Variants in GRM5 observed in about 807,000 individuals in gnomAD.
GRM5 encodes glutamate metabotropic receptor 5, also known as metabotropic glutamate receptor 5.
A neutral mutation model predicts 83.1 loss-of-function variants in GRM5; 19 were observed. That is an observed-to-expected ratio of 0.23 (90% CI 0.16 to 0.34). The LOEUF (loss-of-function observed/expected upper bound fraction) is 0.34, where lower values mean the gene tolerates loss of function less well. Ranked by LOEUF, GRM5 falls within the 10% of genes least tolerant of loss-of-function variation. The pLI is 1.00. For missense variants in GRM5, 1,160 were observed against 1,588.3 expected, an observed-to-expected ratio of 0.73 and a Z score of 4.58; for synonymous variants, 675 against 633.6, an observed-to-expected ratio of 1.07 and a Z score of -0.98.
chr11:89,031,107 A>AAAATTAT, intron 2 of GRM5, among the ~76,000 whole-genome samples: 1 of 152,142 alleles, frequency 6.6e-6, no homozygotes, highest in East Asian at 1.9e-4. Context: ...TTAAAACTTC[A>AAAATTAT]AAATTATATT....
chr11:88,945,454 G>A (rs753898010), intron 2 of GRM5, among the ~76,000 whole-genome samples: 2 of 151,888 alleles, frequency 1.3e-5, no homozygotes, highest in Non-Finnish European at 2.9e-5. Context: ...TAACCAAAAA[G>A]AACAAAGCCA....
At chr11:88,667,195 TATCCA>T (rs1386340231) in intron 3 of GRM5, among the ~76,000 whole-genome samples, 2 of 152,036 alleles carry the variant, frequency 1.3e-5, no homozygotes, top group African/African-American at 2.4e-5. Flanking sequence ...GAATAGAATA[TATCCA>T]GACTGAAACA....
At chr11:88,919,638 T>G (rs1395857072) in intron 2 of GRM5, among the ~76,000 whole-genome samples, 1 of 151,972 alleles carries the variant, frequency 6.6e-6, no homozygotes, top group East Asian at 1.9e-4. Context: ...AAGGATAGAC[T>G]ATATGTTAGG....
At chr11:88,941,200 C>T (rs1413469445) in intron 2 of GRM5, among the ~76,000 whole-genome samples, 1 of 151,204 alleles carries the variant, frequency 6.6e-6, no homozygotes, top group Admixed American at 6.6e-5. Flanking sequence ...CCTTAATGTG[C>T]CAGAAAATAA....
At chr11:89,011,208 T>C (rs1168758989) in intron 2 of GRM5, among the ~76,000 whole-genome samples, 1 of 152,228 alleles carries the variant, frequency 6.6e-6, no homozygotes, top group Non-Finnish European at 1.5e-5. Context: ...TTCTTTTTTT[T>C]CTTTTAAAAC....
At chr11:88,997,618 C>T (rs1222587885) in intron 2 of GRM5, among the ~76,000 whole-genome samples, 1 of 151,776 alleles carries the variant, frequency 6.6e-6, no homozygotes, top group Non-Finnish European at 1.5e-5. Context: ...AAATGTGCAA[C>T]ATCAATACAG....
chr11:88,916,598 T>G lies in GRM5; in HGVS notation c.662-66443A>C, dbSNP rs149570019. Among the ~76,000 whole-genome samples, 607 of 152,166 alleles carry G rather than the reference T, an allele frequency of 4.0e-3. 2 individuals are homozygous for G. The highest frequency in any genetic ancestry group is 0.014 in the African/African-American group (573 of 41,512). Reference sequence around the variant, plus strand: ...GAAAGGCTGCCTAGACCACAAGGACTGTAATTCCTGGGCAGTCTTGGTGCT... The same window carrying G: ...GAAAGGCTGCCTAGACCACAAGGACGGTAATTCCTGGGCAGTCTTGGTGCT... On this transcript the variant is annotated intron_variant, in intron 2 of 9. Coordinates refer to ENST00000305447, the MANE Select transcript of GRM5 (RefSeq NM_001143831.3).
chr11:88,875,254 A>T (rs1049093042), intron 2 of GRM5, among the ~76,000 whole-genome samples: 2 of 152,018 alleles, frequency 1.3e-5, no homozygotes, highest in African/African-American at 4.8e-5. Context: ...CAAGGCTCAC[A>T]GCATCTTTGC....
At chr11:88,509,763 G>C (rs1287155504) in intron 9 of GRM5, among the ~76,000 whole-genome samples, 1 of 152,208 alleles carries the variant, frequency 6.6e-6, no homozygotes, top group Non-Finnish European at 1.5e-5. Context: ...GGGGATGCTT[G>C]TCAGGATGAA....
intron 3 of GRM5, among the ~76,000 whole-genome samples, chr11:88,778,484 G>A (rs1045961329): frequency 2.6e-4 from 40 of 152,196 alleles, no homozygotes; most frequent in Admixed American, 7.2e-4. Context: ...GTCCCAGTGA[G>A]ATCAACCAGG....
chr11:88,712,112 C>T (rs372851933), intron 3 of GRM5, among the ~76,000 whole-genome samples: 1 of 151,918 alleles, frequency 6.6e-6, no homozygotes, highest in African/African-American at 2.4e-5. Context: ...CCTTGCAAGT[C>T]GAAAATCCTT....
In GRM5 at chr11:88,653,325, T is replaced by C; in HGVS notation, c.990A>G (p.Gln330=). ...EAVGGITIKL[Q]SPDVKWFDDY... ...CATCAAACCACTTGACATCGGGAGA[T>C]TGGAGCTTGATTGTGATGCCACCAA... is the stretch of plus-strand genomic sequence containing the variant. Residue 330 remains glutamine, a synonymous_variant, in exon 4 of 10, where the codon CAA becomes CAG. Transcript: ENST00000305447. 1 of 1,613,080 alleles carries C rather than the reference T, an allele frequency of 6.2e-7. No homozygotes were observed. Among genetic ancestry groups the C allele is most frequent in the South Asian group, 1.1e-5 (1 of 91,060 alleles).
At chr11:88,989,932 T>G (rs1467610265) in intron 2 of GRM5, among the ~76,000 whole-genome samples, 2 of 151,408 alleles carry the variant, frequency 1.3e-5, no homozygotes, top group African/African-American at 2.4e-5. Context: ...ATTGACACCC[T>G]AACATCACAA....
At chr11:88,563,983 G>A (rs576211153) in intron 8 of GRM5, among the ~76,000 whole-genome samples, 2 of 152,246 alleles carry the variant, frequency 1.3e-5, no homozygotes, top group East Asian at 3.9e-4. Context: ...ATTTTAGTTT[G>A]CATCTCTTTC....
intron 2 of GRM5, among the ~76,000 whole-genome samples, chr11:88,938,105 T>C (rs1336847650): frequency 2.0e-5 from 3 of 151,764 alleles, no homozygotes; most frequent in African/African-American, 4.8e-5. Context: ...TCAATTAACT[T>C]GATTTATTCA....
chr11:88,525,129 A>G (rs1941834868), intron 9 of GRM5, among the ~76,000 whole-genome samples, 180 bp downstream of exon 9: 1 of 152,198 alleles, frequency 6.6e-6, no homozygotes, highest in African/African-American at 2.4e-5. Context: ...TCCCATTACT[A>G]CACATGAGGG....
At chr11:88,657,258 G>T (rs1565174488) in intron 3 of GRM5, among the ~76,000 whole-genome samples, 1 of 152,096 alleles carries the variant, frequency 6.6e-6, no homozygotes, top group African/African-American at 2.4e-5. Flanking sequence ...ACTGTTTGCT[G>T]CATGTTTATA....
At chr11:88,978,878 AGAGCC>A (rs1939431707) in intron 2 of GRM5, among the ~76,000 whole-genome samples, 1 of 152,190 alleles carries the variant, frequency 6.6e-6, no homozygotes, top group African/African-American at 2.4e-5. Flanking sequence ...AGTGAGTGGA[AGAGCC>A]GAGATTGAAC....
chr11:88,513,564 CAAAAT>C (rs562672016), intron 9 of GRM5, among the ~76,000 whole-genome samples: 1 of 152,020 alleles, frequency 6.6e-6, no homozygotes, highest in Non-Finnish European at 1.5e-5. Context: ...ATGAAAATCA[CAAAAT>C]AATTCCTTCT....
Sources: allele counts gnomAD v4.1 joint callset (sites outside exome capture counted in the v4.1 genomes callset), GRCh38; gene constraint gnomAD v4.1.1; transcripts MANE v1.5; gene names NCBI Gene and HGNC (gene_info 2026-07-23, HGNC 2026-07-21).